PCDH15: variants seen among roughly 807,000 people sequenced by gnomAD.
The protein encoded by PCDH15 is protocadherin-15.
A neutral mutation model predicts 178.5 loss-of-function variants in PCDH15; 129 were observed. The observed-to-expected ratio is 0.72, with a 90% CI of 0.63 to 0.84. PCDH15 has a LOEUF of 0.84. Ranked by LOEUF, PCDH15 falls within the 40% of genes least tolerant of loss-of-function variation. The probability of loss-of-function intolerance (pLI) is 0.00; values close to 1 mark genes in which losing one functional copy is unlikely to be tolerated. For synonymous variants in PCDH15, 800 were observed against 732.0 expected, an observed-to-expected ratio of 1.09 and a Z score of -1.50; for missense variants, 2,230 against 2,099.9, an observed-to-expected ratio of 1.06 and a Z score of -1.21.
At chr10:53,878,785 G>A (rs78734907) in intron 26 of PCDH15, among the ~76,000 whole-genome samples, 2 of 151,984 alleles carry the variant, frequency 1.3e-5, no homozygotes, top group East Asian at 1.9e-4. Context: ...AATAATATTT[G>A]GCTTAAATGT....
At chr10:54,653,733 T>C (rs1213427014) in intron 2 of PCDH15, among the ~76,000 whole-genome samples, 2 of 152,230 alleles carry the variant, frequency 1.3e-5, no homozygotes, top group Non-Finnish European at 2.9e-5. Flanking sequence ...TTCAAATTTT[T>C]CCTGAAATTT....
At chr10:55,223,975 GA>G (rs1255236213) in intron 1 of PCDH15, among the ~76,000 whole-genome samples, 1 of 152,022 alleles carries the variant, frequency 6.6e-6, no homozygotes, top group Non-Finnish European at 1.5e-5. Flanking sequence ...AATACAGCTG[GA>G]AGTGGTGGCT....
chr10:55,447,033 A>C (rs2132076531), intron 2 of PCDH15, among the ~76,000 whole-genome samples: 2 of 152,066 alleles, frequency 1.3e-5, no homozygotes, highest in South Asian at 4.1e-4. Context: ...TAATTTCAAA[A>C]ACTGAAGAGA....
chr10:54,622,661 A>T lies in PCDH15; in HGVS notation c.91+41511T>A, dbSNP rs1393916328. ...TATATAATTATATATATACTATATA[A>T]TATATATTATATATAATATATATTA... On this transcript the variant is annotated intron_variant, in intron 2 of 37. Coordinates refer to ENST00000644397, the MANE Select transcript of PCDH15 (RefSeq NM_001384140.1). Among the ~76,000 whole-genome samples, 68 of 96,042 alleles carry T rather than the reference A, an allele frequency of 7.1e-4. 1 individual carries two copies. Among genetic ancestry groups the T allele is most frequent in the African/African-American group, 1.8e-3 (39 of 21,628 alleles). The allele number at this position is 96,042 out of a possible 152,430, so 63.0% of individuals were successfully genotyped here.
intron 5 of PCDH15, 53 bp downstream of exon 5, chr10:54,369,067 G>A: frequency 6.4e-7 from 1 of 1,564,178 alleles, no homozygotes; most frequent in Non-Finnish European, 8.8e-7. Flanking sequence ...ATTGTATATA[G>A]TTAGATACAT....
At chr10:54,760,745 G>C (rs913100025) in intron 1 of PCDH15, among the ~76,000 whole-genome samples, 1 of 152,092 alleles carries the variant, frequency 6.6e-6, no homozygotes, top group Non-Finnish European at 1.5e-5. Context: ...AAAATGCAAA[G>C]TTAGGTAAAT....
chr10:53,957,503 G>GTTTTTTTTTT (rs55738634), intron 23 of PCDH15, among the ~76,000 whole-genome samples: 1 of 140,568 alleles, frequency 7.1e-6, no homozygotes, highest in Admixed American at 7.4e-5. Flanking sequence ...TATTTACTAT[G>GTTTTTTTTTT]TTTTTTTTTT....
chr10:54,305,546 C>T (rs1360172881), intron 8 of PCDH15, among the ~76,000 whole-genome samples: 2 of 151,960 alleles, frequency 1.3e-5, no homozygotes, highest in African/African-American at 4.8e-5. Flanking sequence ...ATCATCCTAA[C>T]AGTTTGTGAT....
intron 2 of PCDH15, among the ~76,000 whole-genome samples, chr10:55,456,492 T>C (rs897153836): frequency 2.0e-5 from 3 of 152,080 alleles, no homozygotes; most frequent in African/African-American, 7.2e-5. Flanking sequence ...TCACCAACTC[T>C]TGTTTATCCT....
Position 54,717,610 on chromosome 10 carries a change from A to T in PCDH15, c.-28-53320T>A, listed in dbSNP as rs1207723846. The stretch of plus-strand genomic sequence containing the variant: ...GGCAATCATTAAAAAGTCAGGAAAC[A>T]ACAGGTGCTGGAGAGGATGTGGAGA... On this transcript the variant is annotated intron_variant, in intron 1 of 37. Transcript: ENST00000644397. 2.2e-5 allele frequency among the ~76,000 whole-genome samples: 3 copies of T among 134,704 alleles called. 1 individual carries two copies. Among genetic ancestry groups the T allele is most frequent in the African/African-American group, 5.7e-5 (2 of 35,132 alleles). The allele number at this position is 134,704 out of a possible 152,430, so 88.4% of individuals were successfully genotyped here.
rs1173377441 is a variant in PCDH15, at chr10:54,655,256, AAGAGAGAGAGAGAGAGAGAGAGAGAG to A, written c.91+8890_91+8915del. ...AGGAAGGGAAAGAAAGAAAGAAAGA[AAGAGAGAGAGAGAGAGAGAGAGAGAG>A]AGAGAGAGAGAGAGAGAGAGACAGA... On this transcript the variant is annotated intron_variant, in intron 2 of 37. Transcript: ENST00000644397. Among the ~76,000 whole-genome samples the A allele has an allele frequency of 1.3e-3, 63 of 48,906 alleles. 1 individual carries two copies. Among genetic ancestry groups the A allele is most frequent in the African/African-American group, 4.3e-3 (51 of 11,982 alleles). The allele number at this position is 48,906 out of a possible 152,430, so 32.1% of individuals were successfully genotyped here.
intron 2 of PCDH15, among the ~76,000 whole-genome samples, chr10:55,144,671 T>C (rs553843525): frequency 6.6e-6 from 1 of 152,234 alleles, no homozygotes; most frequent in South Asian, 2.1e-4. Context: ...TAAAAAGTCA[T>C]TGTTTTTTGC....
chr10:55,111,068 C>G (rs898271852), intron 2 of PCDH15, among the ~76,000 whole-genome samples: 1 of 152,052 alleles, frequency 6.6e-6, no homozygotes, highest in Non-Finnish European at 1.5e-5. Context: ...TAGTCTATTT[C>G]TGAAATGACT....
At chr10:54,143,202 T>C (rs984776834) in intron 14 of PCDH15, among the ~76,000 whole-genome samples, 3 of 152,184 alleles carry the variant, frequency 2.0e-5, no homozygotes, top group Non-Finnish European at 2.9e-5. Context: ...GATATTTATA[T>C]GGATGGGTTG....
At chr10:54,062,268 T>C (rs1458264548) in intron 18 of PCDH15, among the ~76,000 whole-genome samples, 1 of 89,008 alleles carries the variant, frequency 1.1e-5, no homozygotes, top group African/African-American at 4.5e-5. Flanking sequence ...AACAACTAAA[T>C]GAAAACTCCC....
intron 2 of PCDH15, among the ~76,000 whole-genome samples, chr10:55,097,646 A>T (rs1056238985): frequency 6.6e-6 from 1 of 152,118 alleles, no homozygotes; most frequent in Non-Finnish European, 1.5e-5. Context: ...ATTCACAACT[A>T]AGCACAATTA....
chr10:54,304,822 G>A (rs2060365342), intron 8 of PCDH15, among the ~76,000 whole-genome samples: 1 of 151,922 alleles, frequency 6.6e-6, no homozygotes, highest in African/African-American at 2.4e-5. Flanking sequence ...CATCACTTGG[G>A]AAGTAGATAA....
At position 54,716,933 on chromosome 10, in the gene PCDH15, C is replaced by T. The variant is rs557916429; in HGVS notation, c.-28-52643G>A. 5.4e-5 allele frequency among the ~76,000 whole-genome samples: 8 copies of T among 147,204 alleles called. 2 individuals carry two copies. The highest frequency in any genetic ancestry group is 2.0e-4 in the African/African-American group (8 of 39,088). On this transcript the variant is annotated intron_variant, in intron 1 of 37. Coordinates refer to ENST00000644397, the MANE Select transcript of PCDH15 (RefSeq NM_001384140.1). ...AGAGATATAAATCAATGGAACAGAA[C>T]AGAGCCCTCAGAAATAAGGCCGCAT...
At chr10:54,351,888 G>A (rs564560124) in intron 5 of PCDH15, among the ~76,000 whole-genome samples, 1 of 152,050 alleles carries the variant, frequency 6.6e-6, no homozygotes. Flanking sequence ...AACCATAATA[G>A]GACCCAATAC....
Sources: allele counts gnomAD v4.1 joint callset (sites outside exome capture counted in the v4.1 genomes callset), GRCh38; gene constraint gnomAD v4.1.1; transcripts MANE v1.5; gene names NCBI Gene and HGNC (gene_info 2026-07-23, HGNC 2026-07-21).